NDEL1: variants seen among roughly 807,000 people sequenced by gnomAD.
The protein encoded by NDEL1 is nuclear distribution protein nudE-like 1.
Under a neutral mutation model 45.7 loss-of-function variants are expected in NDEL1, and 9 were observed. That is an observed-to-expected ratio of 0.20 (90% confidence interval 0.12 to 0.34). The LOEUF (loss-of-function observed/expected upper bound fraction) is 0.34. NDEL1 is among the 10% of genes least tolerant of loss of function. The probability of loss-of-function intolerance (pLI) is 1.00; values close to 1 mark genes in which losing one functional copy is unlikely to be tolerated. For synonymous variants in NDEL1, 133 were observed against 158.6 expected (o/e 0.84, Z 1.21); for missense variants, 306 against 406.2 (o/e 0.75, Z 2.12).
chr17:8,434,624 G>A (rs1909141127), upstream of NDEL1, among the ~76,000 whole-genome samples: 1 of 152,082 alleles, frequency 6.6e-6, no homozygotes, highest in African/African-American at 2.4e-5. Context: ...CTTCCTTTAA[G>A]TTTCCACTCC....
intron 7 of NDEL1, among the ~76,000 whole-genome samples, chr17:8,457,086 C>A (rs1185749624): frequency 6.6e-6 from 1 of 152,208 alleles, no homozygotes; most frequent in Non-Finnish European, 1.5e-5. Flanking sequence ...CAAAATCATA[C>A]TGGGTTTTTA....
intron 1 of NDEL1, among the ~76,000 whole-genome samples, chr17:8,414,250 A>T (rs181624938): frequency 6.6e-6 from 1 of 152,270 alleles, no homozygotes; most frequent in Admixed American, 6.5e-5. Flanking sequence ...CACAGTAAAC[A>T]TCACTGAATG....
At chr17:8,461,848 C>T (rs1226538734) in intron 8 of NDEL1, among the ~76,000 whole-genome samples, 1 of 151,986 alleles carries the variant, frequency 6.6e-6, no homozygotes, top group African/African-American at 2.4e-5. Context: ...CTTGATGGGC[C>T]GCAGGTGCCT....
intron 5 of NDEL1, among the ~76,000 whole-genome samples, chr17:8,450,288 C>CA (rs5819194): frequency 0.42 from 48,002 of 115,016 alleles, 8,103 homozygotes; most frequent in Middle Eastern, 0.53. Flanking sequence ...GACTCCGTCT[C>CA]AAAAAAAAAA....
rs776231263 is a variant in NDEL1, at chr17:8,446,929, A to G, written c.389+27A>G. 34 of 1,605,434 alleles carry G rather than the reference A, an allele frequency of 2.1e-5. 1 individual carries two copies. The East Asian group carries it at 5.2e-4, about 24-fold the overall frequency. On this transcript the variant is annotated intron_variant, in intron 4 of 8. Transcript: ENST00000334527. Reference sequence around the variant, plus strand: ...TAAACGAATGACTGCATTTTGTTAGAAAAAAACCACCTTGGTAATTAGTGA... The same window carrying G: ...TAAACGAATGACTGCATTTTGTTAGGAAAAAACCACCTTGGTAATTAGTGA...
chr17:8,434,753 G>A (rs975697524), upstream of NDEL1, among the ~76,000 whole-genome samples: 2 of 151,846 alleles, frequency 1.3e-5, no homozygotes, highest in South Asian at 2.1e-4. Flanking sequence ...GTGTGTTTAC[G>A]TACTAAAAAT....
intron 1 of NDEL1, among the ~76,000 whole-genome samples, chr17:8,421,173 C>T (rs1036996816): frequency 9.9e-5 from 15 of 152,118 alleles, no homozygotes; most frequent in South Asian, 2.1e-4. Flanking sequence ...GAGTACATTC[C>T]AATAAATATT....
chr17:8,463,384 T>C, intron 8 of NDEL1: 2 of 1,606,860 alleles, frequency 1.2e-6, no homozygotes, highest in Non-Finnish European at 1.7e-6. Flanking sequence ...GTGCTCTTTT[T>C]CATTCTTTCT....
At chr17:8,458,250 T>C (rs1910976524) in intron 7 of NDEL1, among the ~76,000 whole-genome samples, 1 of 152,132 alleles carries the variant, frequency 6.6e-6, no homozygotes, top group Admixed American at 6.5e-5. Flanking sequence ...TCCATTCCTC[T>C]TAGTCATCTT....
At chr17:8,474,174 G>A (rs1912127167) in intron 3 of NDEL1, 1 of 152,664 alleles carries the variant, frequency 6.6e-6, no homozygotes, top group Admixed American at 6.5e-5. Flanking sequence ...ATCACAGATG[G>A]GAAATCGAGA....
Position 8,445,825 on chromosome 17 carries a change from T to A in NDEL1, c.201T>A (p.Ala67=). Residue 67 remains alanine, a synonymous_variant, in exon 3 of 9, where the codon GCT becomes GCA. Coordinates refer to ENST00000334527, the MANE Select transcript of NDEL1 (RefSeq NM_030808.5). ...QAEQRNRDLQ[A]DNQRLKYEVE... ...AACAAAGAAATAGAGACTTGCAGGC[T>A]GATAACCAAAGACTGAAATATGAAG... 6.4e-7 allele frequency: 1 copy of A among 1,565,364 alleles called. No homozygotes were observed. The highest frequency in any genetic ancestry group is 8.6e-7 in the Non-Finnish European group (1 of 1,160,662).
intron 5 of NDEL1, among the ~76,000 whole-genome samples, chr17:8,450,438 A>G (rs1193303010): frequency 1.3e-5 from 2 of 152,234 alleles, no homozygotes; most frequent in African/African-American, 4.8e-5. Context: ...TGATTTTGCA[A>G]TAACCCCAAA....
intron 3 of NDEL1, chr17:8,474,191 G>A (rs925706713): frequency 3.3e-5 from 5 of 152,644 alleles, no homozygotes; most frequent in Non-Finnish European, 5.9e-5. Context: ...GAGAACAGAA[G>A]GTGAGAAAAC....
downstream of NDEL1, among the ~76,000 whole-genome samples, chr17:8,473,150 T>G (rs950016285): frequency 6.6e-6 from 1 of 152,120 alleles, no homozygotes; most frequent in African/African-American, 2.4e-5. Context: ...TGGGAAACTG[T>G]GACGTGAACA....
chr17:8,450,752 TC>T, intron 5 of NDEL1, 27 bp from the exon 6 acceptor site: 2 of 1,594,198 alleles, frequency 1.3e-6, no homozygotes, highest in Non-Finnish European at 1.7e-6. Context: ...TAGTGAGTAT[TC>T]CTGCCCTTGT....
intron 6 of NDEL1, among the ~76,000 whole-genome samples, chr17:8,454,154 TCTC>T (rs1368024042): frequency 6.6e-6 from 1 of 152,008 alleles, no homozygotes; most frequent in African/African-American, 2.4e-5. Flanking sequence ...AGCCAAAGGT[TCTC>T]CTACCGAAAC....
intron 1 of NDEL1, among the ~76,000 whole-genome samples, chr17:8,421,301 G>A (rs988298594): frequency 2.0e-5 from 3 of 152,176 alleles, no homozygotes; most frequent in Non-Finnish European, 2.9e-5. Context: ...CCCAGAACCT[G>A]TATGTTACCT....
In NDEL1 at chr17:8,449,792, C is replaced by T. The variant is rs1007010785; in HGVS notation, c.527-988C>T. ...TATCTGTTCATCTGTGGATGGACAT[C>T]GAGTTGCTCCCATCTCTTGCTATTG... On this transcript the variant is annotated intron_variant, in intron 5 of 8. Transcript: ENST00000334527. Among the ~76,000 whole-genome samples the T allele has an allele frequency of 9.9e-5, 15 of 152,134 alleles. 1 individual carries two copies. Among genetic ancestry groups the T allele is most frequent in the Admixed American group, 3.9e-4 (6 of 15,272 alleles).
downstream of NDEL1, among the ~76,000 whole-genome samples, chr17:8,472,839 A>G (rs534088413): frequency 1.3e-5 from 2 of 152,342 alleles, no homozygotes; most frequent in East Asian, 1.9e-4. Context: ...GTCTAGACCC[A>G]GGCTCAACGA....
Sources: gnomAD v4.1 joint callset for allele counts (sites outside exome capture counted in the v4.1 genomes callset) on GRCh38, gnomAD v4.1.1 for gene constraint, MANE v1.5 for transcripts, NCBI Gene and HGNC (gene_info 2026-07-23, HGNC 2026-07-21) for gene names.